The following SGCZ variants were observed in gnomAD, a reference collection of about 807,000 sequenced individuals.
SGCZ encodes zeta-sarcoglycan.
In SGCZ, 40 loss-of-function variants were observed where a neutral mutation model predicts 41.3. The ratio of observed to expected loss-of-function variants is 0.97; its 90% CI spans 0.75 to 1.26. SGCZ has a LOEUF of 1.26. Among genes scored for constraint, SGCZ ranks in the 50% most tolerant of loss-of-function variants. SGCZ has a pLI of 0.00. For missense variants in SGCZ, 552 were observed against 369.8 expected (o/e 1.49, Z -4.04); for synonymous variants, 206 against 137.5 (o/e 1.50, Z -3.49).
At chr8:14,597,091 A>T (rs1805437011) in intron 1 of SGCZ, among the ~76,000 whole-genome samples, 1 of 152,198 alleles carries the variant, frequency 6.6e-6, no homozygotes, top group African/African-American at 2.4e-5. Flanking sequence ...AGCAACTATG[A>T]ACTGCCATTC....
intron 1 of SGCZ, among the ~76,000 whole-genome samples, chr8:15,070,556 C>A (rs116865778): frequency 2.6e-5 from 4 of 152,044 alleles, no homozygotes; most frequent in African/African-American, 9.7e-5. Flanking sequence ...AAGAATGTAA[C>A]GAGTAAGAAT....
At chr8:14,814,719 T>G (rs1801847105) in intron 1 of SGCZ, among the ~76,000 whole-genome samples, 1 of 152,214 alleles carries the variant, frequency 6.6e-6, no homozygotes, top group South Asian at 2.1e-4. Context: ...TTGAGTTGAC[T>G]TCTCTCATCA....
chr8:14,382,299 C>T (rs767772857), intron 2 of SGCZ, among the ~76,000 whole-genome samples: 3 of 152,032 alleles, frequency 2.0e-5, no homozygotes, highest in African/African-American at 2.4e-5. Flanking sequence ...CTAGAGATTT[C>T]GGTCTGCACC....
intron 2 of SGCZ, among the ~76,000 whole-genome samples, chr8:14,448,388 G>C (rs56340810): frequency 0.17 from 25,721 of 152,198 alleles, 2,281 homozygotes; most frequent in African/African-American, 0.22. Flanking sequence ...AACTGTTACA[G>C]TGGGCCTCAT....
At chr8:14,133,406 T>C (rs62490847) in intron 5 of SGCZ, among the ~76,000 whole-genome samples, 18 of 152,234 alleles carry the variant, frequency 1.2e-4, no homozygotes, top group Non-Finnish European at 1.6e-4. Context: ...GAAGATTTTA[T>C]GGCTAGAGTT....
rs1563450064 is a variant in SGCZ at position 15,028,441 on chromosome 8, GTTGAAGT to G, written c.39+209137_39+209143del. Reference sequence around the variant, plus strand: ...ATAAGGAACACTATCGTCTTTCTAAGTTGAAGTCAGTTTCATAAGGAACACCATCGTC... The same window carrying G: ...ATAAGGAACACTATCGTCTTTCTAAGCAGTTTCATAAGGAACACCATCGTC... On this transcript the variant is annotated intron_variant, in intron 1 of 7. Coordinates refer to ENST00000382080, the MANE Select transcript of SGCZ (RefSeq NM_139167.4). 2.7e-5 allele frequency among the ~76,000 whole-genome samples: 4 copies of G among 150,352 alleles called. No homozygotes were observed. In the Admixed American group the frequency reaches 2.7e-4, roughly 10 times the overall value.
chr8:14,198,285 T>C (rs1171760920), intron 4 of SGCZ, among the ~76,000 whole-genome samples: 1 of 152,214 alleles, frequency 6.6e-6, no homozygotes, highest in Non-Finnish European at 1.5e-5. Flanking sequence ...TTAACTGTCA[T>C]GGTATTATAG....
intron 5 of SGCZ, among the ~76,000 whole-genome samples, chr8:14,146,890 A>AAAAAAAAAAAAAAAT (rs1182329393): frequency 1.7e-5 from 2 of 116,184 alleles, no homozygotes; most frequent in African/African-American, 3.6e-5. Flanking sequence ...AAAATAAAAA[A>AAAAAAAAAAAAAAAT]AATAATAATA....
chr8:14,336,426 A>T (rs1802508291), intron 2 of SGCZ, among the ~76,000 whole-genome samples: 1 of 152,120 alleles, frequency 6.6e-6, no homozygotes, highest in Non-Finnish European at 1.5e-5. Context: ...TTTATGATAG[A>T]ATGATTATAT....
chr8:14,475,367 G>A (rs371514574), intron 2 of SGCZ, among the ~76,000 whole-genome samples: 1 of 152,030 alleles, frequency 6.6e-6, no homozygotes, highest in Non-Finnish European at 1.5e-5. Flanking sequence ...TATAAATTTT[G>A]TAATTTGTAT....
chr8:14,975,641 T>A (rs574329958), intron 1 of SGCZ, among the ~76,000 whole-genome samples: 2 of 152,154 alleles, frequency 1.3e-5, no homozygotes, highest in South Asian at 4.2e-4. Flanking sequence ...TAACCTAATA[T>A]AGGACTCAGT....
intron 1 of SGCZ, among the ~76,000 whole-genome samples, chr8:15,113,224 A>C (rs10217070): frequency 6.7e-6 from 1 of 149,786 alleles, no homozygotes; most frequent in African/African-American, 2.5e-5. Context: ...AAAAAAAAAC[A>C]AAAAGAAAAC....
At chr8:14,714,143 A>G (rs1436390395) in intron 1 of SGCZ, among the ~76,000 whole-genome samples, 1 of 151,854 alleles carries the variant, frequency 6.6e-6, no homozygotes, top group East Asian at 1.9e-4. Flanking sequence ...AATTTTTTGT[A>G]TCTTTAGTAG....
intron 2 of SGCZ, among the ~76,000 whole-genome samples, chr8:14,461,839 A>C (rs1421676518): frequency 6.6e-6 from 1 of 152,130 alleles, no homozygotes; most frequent in African/African-American, 2.4e-5. Flanking sequence ...TGCTTGCAGT[A>C]CACTCTAAGC....
At chr8:14,513,254 T>C (rs540209868) in intron 2 of SGCZ, among the ~76,000 whole-genome samples, 1 of 152,052 alleles carries the variant, frequency 6.6e-6, no homozygotes, top group Non-Finnish European at 1.5e-5. Context: ...CCCAGGCTGG[T>C]CTTGAACTCA....
At chr8:14,266,473 G>A (rs1171287274) in intron 3 of SGCZ, among the ~76,000 whole-genome samples, 1 of 152,080 alleles carries the variant, frequency 6.6e-6, no homozygotes, top group Non-Finnish European at 1.5e-5. Flanking sequence ...AAAAAATACT[G>A]TGTAGGAATT....
chr8:15,122,833 G>A (rs1308497954), intron 1 of SGCZ, among the ~76,000 whole-genome samples: 1 of 152,100 alleles, frequency 6.6e-6, no homozygotes, highest in Non-Finnish European at 1.5e-5. Flanking sequence ...AGGAGGTCTG[G>A]AAAAACTAAG....
chr8:14,303,829 G>A (rs527555196), intron 3 of SGCZ, among the ~76,000 whole-genome samples: 2 of 151,994 alleles, frequency 1.3e-5, no homozygotes, highest in Non-Finnish European at 2.9e-5. Flanking sequence ...TCGGCTCACT[G>A]CAACCTCCAT....
At chr8:14,784,418 A>AATC (rs72587114) in intron 1 of SGCZ, among the ~76,000 whole-genome samples, 2 of 151,560 alleles carry the variant, frequency 1.3e-5, no homozygotes, top group Admixed American at 6.6e-5. Context: ...CAGAAAAAAA[A>AATC]TGTCAGCTAT....
Sources: gnomAD v4.1 joint callset for allele counts (sites outside exome capture counted in the v4.1 genomes callset) on GRCh38, gnomAD v4.1.1 for gene constraint, MANE v1.5 for transcripts, NCBI Gene and HGNC (gene_info 2026-07-23, HGNC 2026-07-21) for gene names.